The following NOC3L variants were observed in gnomAD, a reference collection of about 807,000 sequenced individuals.
The protein encoded by NOC3L is NOC3 like DNA replication regulator, also known as nucleolar complex protein 3 homolog.
A neutral mutation model predicts 102.5 loss-of-function variants in NOC3L; 85 were observed. The ratio of observed to expected loss-of-function variants is 0.83; its 90% CI spans 0.70 to 0.99. The LOEUF is 0.99. Among genes scored for constraint, NOC3L ranks in the 50% least tolerant of loss-of-function variants. NOC3L has a pLI of 0.00. For missense variants in NOC3L, 878 were observed against 914.9 expected, an observed-to-expected ratio of 0.96 and a Z score of 0.52; for synonymous variants, 303 against 309.4, an observed-to-expected ratio of 0.98 and a Z score of 0.22.
intron 10 of NOC3L, among the ~76,000 whole-genome samples, chr10:94,348,966 T>C (rs144461505): frequency 0.012 from 1,888 of 152,134 alleles, 46 homozygotes; most frequent in African/African-American, 0.043. Context: ...GTTCACAATA[T>C]AGAAAATGAA....
chr10:94,329,108 C>G (rs1233643419), downstream of NOC3L: 1 of 152,148 alleles, frequency 6.6e-6, no homozygotes, highest in African/African-American at 2.4e-5. Context: ...AAAATATATG[C>G]TCTGAACATC....
At chr10:94,336,428 A>C (rs1296518435) in intron 19 of NOC3L, among the ~76,000 whole-genome samples, 3 of 151,824 alleles carry the variant, frequency 2.0e-5, no homozygotes, top group Non-Finnish European at 4.4e-5. Context: ...ACTCACTGCA[A>C]TCTCCGCCTC....
At chr10:94,335,816 C>G (rs953879500) in intron 19 of NOC3L, among the ~76,000 whole-genome samples, 1 of 152,064 alleles carries the variant, frequency 6.6e-6, no homozygotes, top group Non-Finnish European at 1.5e-5. Context: ...ATTACAGAAA[C>G]CAATGGGCTT....
intron 3 of NOC3L, 171 bp downstream of exon 3, chr10:94,357,912 A>G (rs1210543878): frequency 1.7e-6 from 1 of 587,792 alleles, no homozygotes. Flanking sequence ...AAATGAAATC[A>G]GCTTATCTTA....
chr10:94,341,013 A>C (rs944147690), intron 14 of NOC3L, among the ~76,000 whole-genome samples: 1 of 151,676 alleles, frequency 6.6e-6, no homozygotes, highest in Non-Finnish European at 1.5e-5. Context: ...TCTACAAAAA[A>C]ATAGAAAAAT....
chr10:94,326,013 A>C, the NOC3L span, among the ~76,000 whole-genome samples: 1 of 152,174 alleles, frequency 6.6e-6, no homozygotes, highest in Non-Finnish European at 1.5e-5. Flanking sequence ...ATTTCATTCT[A>C]TCTTAAAGCA....
intron 12 of NOC3L, 82 bp from the exon 13 acceptor site, chr10:94,344,597 G>T: frequency 3.0e-6 from 3 of 990,706 alleles, no homozygotes; most frequent in Non-Finnish European, 4.6e-6. Flanking sequence ...ACTTCAACAG[G>T]TTAACTTTTT....
At chr10:94,340,577 T>G (rs1186937731) in intron 14 of NOC3L, 81 bp from the exon 15 acceptor site, 3 of 1,210,612 alleles carry the variant, frequency 2.5e-6, no homozygotes, top group South Asian at 2.7e-5. Flanking sequence ...AAAAGAACTT[T>G]AAGGCCAGGA....
At chr10:94,337,423 A>T (rs578231430) in intron 19 of NOC3L, among the ~76,000 whole-genome samples, 2 of 151,426 alleles carry the variant, frequency 1.3e-5, no homozygotes, top group South Asian at 4.2e-4. Flanking sequence ...CTTGTGTTTT[A>T]TCTTCACATG....
chr10:94,327,473 G>A, the NOC3L span, among the ~76,000 whole-genome samples: 1 of 152,180 alleles, frequency 6.6e-6, no homozygotes, highest in African/African-American at 2.4e-5. Flanking sequence ...TACTCAGGAG[G>A]CTGAGGCAGG....
In NOC3L at chr10:94,334,043, T is replaced by C. The variant is rs2054189062; in HGVS notation, c.*134A>G. On this transcript the variant is annotated 3_prime_UTR_variant, in exon 21 of 21. Coordinates refer to ENST00000371361, the MANE Select transcript of NOC3L (RefSeq NM_022451.11). ...GAACCCTGTGCCATGCAAAGGGTCATTCTTCCTCTTCTTCCTAGACATTCT... is the reference window on the plus strand; with the variant it reads ...GAACCCTGTGCCATGCAAAGGGTCACTCTTCCTCTTCTTCCTAGACATTCT... 1 of 577,186 alleles carries C rather than the reference T, an allele frequency of 1.7e-6. No individual in the cohort carries two copies. The highest frequency in any genetic ancestry group is 3.1e-6 in the Non-Finnish European group (1 of 326,310). 35.8% of individuals were successfully genotyped at this position (577,186 alleles called of 1,614,324 possible). A position where few individuals can be genotyped will look rare whatever the true frequency, so the allele number is the denominator to read the frequency against.
In NOC3L at chr10:94,358,139, C is replaced by T. The variant is rs1181673367; in HGVS notation, c.294G>A (p.Gln98=). The T allele has an allele frequency of 6.2e-7, 1 of 1,611,920 alleles. No homozygotes were observed. The highest frequency in any genetic ancestry group is 1.7e-5 in the Admixed American group (1 of 59,980). The change falls in exon 3 of 21, where the codon CAG becomes CAA. Residue 98 remains glutamine, a synonymous_variant. Coordinates refer to ENST00000371361, the MANE Select transcript of NOC3L (RefSeq NM_022451.11). ...PLDMMDEDDL[Q]LMKDLGQRVS... is the part of the protein sequence containing the mutation. ...CTCTTTGTCCTAAATCCTTCATTAA[C>T]TGTAAGTCATCTTCATCCATCATAT... is the stretch of plus-strand genomic sequence containing the variant.
At chr10:94,346,588 C>T (rs1209162422) in intron 10 of NOC3L, 32 bp from the exon 11 acceptor site, 2 of 1,201,640 alleles carry the variant, frequency 1.7e-6, no homozygotes, top group African/African-American at 3.2e-5. Flanking sequence ...AAATATACAG[C>T]TTAATATTTA....
chr10:94,316,515 C>T, the NOC3L span: 1 of 1,433,714 alleles, frequency 7.0e-7, no homozygotes, highest in Non-Finnish European at 9.8e-7. Flanking sequence ...GTTTTTGCCT[C>T]ACTCCTCAGT....
At chr10:94,358,029 C>G (rs761727275) in intron 3 of NOC3L, 54 bp downstream of exon 3, 1 of 1,208,864 alleles carries the variant, frequency 8.3e-7, no homozygotes. Context: ...AATTCAGAAC[C>G]AAGTTTTTAA....
the NOC3L span, chr10:94,324,336 A>C: frequency 1.5e-4 from 234 of 1,599,506 alleles, no homozygotes; most frequent in Admixed American, 1.8e-4. Flanking sequence ...GTTGATCATA[A>C]CTTACCTTTC....
chr10:94,345,082 C>T (rs1009389284), intron 11 of NOC3L, 149 bp from the exon 12 acceptor site: 11 of 560,714 alleles, frequency 2.0e-5, no homozygotes, highest in African/African-American at 5.7e-5. Context: ...GAAACATGGA[C>T]GGGAAGTATA....
the NOC3L span, chr10:94,324,968 C>A: frequency 1.9e-6 from 3 of 1,614,096 alleles, no homozygotes; most frequent in Non-Finnish European, 8.5e-7. Context: ...ACTAAACAGC[C>A]CCGAGGACTT....
At chr10:94,362,103 C>A in intron 1 of NOC3L, 2 of 582,564 alleles carry the variant, frequency 3.4e-6, no homozygotes. Context: ...CTACGATCCC[C>A]AAACAGGTTA....
Sources: gnomAD v4.1 joint callset for allele counts (sites outside exome capture counted in the v4.1 genomes callset) on GRCh38, gnomAD v4.1.1 for gene constraint, MANE v1.5 for transcripts, NCBI Gene and HGNC (gene_info 2026-07-23, HGNC 2026-07-21) for gene names.